Variants in ADAMTS6 observed in about 807,000 individuals in gnomAD.
The protein encoded by ADAMTS6 is ADAM metallopeptidase with thrombospondin type 1 motif 6.
In ADAMTS6, 23 loss-of-function variants were observed where a neutral mutation model predicts 144.3. The observed-to-expected ratio is 0.16, with a 90% CI of 0.11 to 0.23. ADAMTS6 has a LOEUF of 0.23. Ranked by LOEUF, ADAMTS6 falls within the 10% of genes least tolerant of loss-of-function variation. The probability of loss-of-function intolerance (pLI) is 1.00; values close to 1 mark genes in which losing one functional copy is unlikely to be tolerated. For synonymous variants in ADAMTS6, 444 were observed against 457.5 expected (o/e 0.97, Z 0.38); for missense variants, 999 against 1,379.6 (o/e 0.72, Z 4.37).
intron 22 of ADAMTS6, among the ~76,000 whole-genome samples, chr5:65,180,726 C>G (rs1009614413): frequency 6.6e-6 from 1 of 152,116 alleles, no homozygotes; most frequent in Non-Finnish European, 1.5e-5. Flanking sequence ...CCCTTAATGG[C>G]TTACTATTGC....
Position 65,242,116 on chromosome 5 carries a change from G to T in ADAMTS6, c.1921C>A (p.Pro641Thr), listed in dbSNP as rs1297229885. The T allele has an allele frequency of 1.9e-6, 3 of 1,593,674 alleles. No individual in the cohort carries two copies. Residue 641 changes from proline to threonine, a missense_variant, in exon 15 of 25, where the codon CCC becomes ACC. By Grantham distance (38) the Pro-to-Thr change is conservative. Transcript: ENST00000381055. The stretch of plus-strand genomic sequence containing the variant: ...GGTTATACATTACCTCCAGTATAGG[G>T]TTTCCAGTTATAATACTTTCCTCGG... Reference protein sequence around the residue: ...PFRGKYYNWKPYTGGGVKPCA... With the variant: ...PFRGKYYNWKTYTGGGVKPCA...
chr5:65,332,023 A>C (rs1287466565), intron 8 of ADAMTS6, among the ~76,000 whole-genome samples: 1 of 151,892 alleles, frequency 6.6e-6, no homozygotes, highest in Non-Finnish European at 1.5e-5. Context: ...CATTATTTTG[A>C]GAAAAATAAA....
intron 7 of ADAMTS6, among the ~76,000 whole-genome samples, chr5:65,395,317 A>G (rs1383026871): frequency 6.6e-6 from 1 of 152,144 alleles, no homozygotes; most frequent in Non-Finnish European, 1.5e-5. Flanking sequence ...TAGTCTCAGG[A>G]GCCTTGTAAT....
At chr5:65,408,333 A>T (rs573730167) in intron 7 of ADAMTS6, among the ~76,000 whole-genome samples, 2 of 152,118 alleles carry the variant, frequency 1.3e-5, no homozygotes, top group Non-Finnish European at 2.9e-5. Context: ...AACAAAAAAA[A>T]GCAGGGGTTG....
At chr5:65,351,090 G>A (rs1748807881) in intron 7 of ADAMTS6, among the ~76,000 whole-genome samples, 2 of 151,938 alleles carry the variant, frequency 1.3e-5, no homozygotes, top group African/African-American at 4.8e-5. Context: ...AATTACTTTA[G>A]TCTAACACTA....
chr5:65,328,871 A>G (rs1746433972), intron 9 of ADAMTS6, among the ~76,000 whole-genome samples: 1 of 151,894 alleles, frequency 6.6e-6, no homozygotes, highest in Non-Finnish European at 1.5e-5. Flanking sequence ...AGAAAGGAGG[A>G]TGGTATTGTG....
chr5:65,451,641 C>T, intron 6 of ADAMTS6, 21 bp from the exon 7 acceptor site: 1 of 1,609,280 alleles, frequency 6.2e-7, no homozygotes, highest in Admixed American at 1.7e-5. Context: ...ACATGCATAC[C>T]AGAAATGTTC....
chr5:65,322,071 A>T (rs1390313095), intron 9 of ADAMTS6, among the ~76,000 whole-genome samples: 2 of 152,108 alleles, frequency 1.3e-5, no homozygotes, highest in African/African-American at 4.8e-5. Context: ...GTCCAGTTTC[A>T]ATCTTCTACA....
chr5:65,223,276 A>G (rs1454985050), intron 18 of ADAMTS6, among the ~76,000 whole-genome samples: 1 of 152,234 alleles, frequency 6.6e-6, no homozygotes, highest in Non-Finnish European at 1.5e-5. Context: ...AACATTGTGA[A>G]ATGAATACCA....
chr5:65,353,491 G>A (rs543417225), intron 7 of ADAMTS6, among the ~76,000 whole-genome samples: 8 of 151,912 alleles, frequency 5.3e-5, no homozygotes, highest in Non-Finnish European at 1.0e-4. Flanking sequence ...GAAGATTCTT[G>A]TCCCTAATAT....
In ADAMTS6 at chr5:65,256,632, T is replaced by A. The variant is rs540084447; in HGVS notation, c.1830+3968A>T. On this transcript the variant is annotated intron_variant, in intron 14 of 24. Coordinates refer to ENST00000381055, the MANE Select transcript of ADAMTS6 (RefSeq NM_197941.4). ...TAGTAAGTTCTACAATCTGAACATC[T>A]AACATATAACTCATGAATAAAATGC... 9.2e-5 allele frequency: 14 copies of A among 152,298 alleles called. No homozygotes were observed. In the South Asian group the frequency reaches 2.9e-3, roughly 32 times the overall value. The allele number at this position is 152,298 out of a possible 1,614,324, so 9.4% of individuals were successfully genotyped here. A position where few individuals can be genotyped will look rare whatever the true frequency, so the allele number is the denominator to read the frequency against.
At chr5:65,428,302 G>A (rs564107726) in intron 7 of ADAMTS6, among the ~76,000 whole-genome samples, 1 of 150,880 alleles carries the variant, frequency 6.6e-6, no homozygotes, top group African/African-American at 2.4e-5. Context: ...TTGTGAAACA[G>A]GACAAATAAT....
intron 9 of ADAMTS6, among the ~76,000 whole-genome samples, chr5:65,300,399 T>C (rs1743240639): frequency 6.6e-6 from 1 of 152,238 alleles, no homozygotes; most frequent in Non-Finnish European, 1.5e-5. Context: ...TTGAGCCGAA[T>C]ATATTGTATA....
At chr5:65,232,696 TAA>T (rs879663991) in intron 15 of ADAMTS6, among the ~76,000 whole-genome samples, 5 of 131,078 alleles carry the variant, frequency 3.8e-5, no homozygotes, top group African/African-American at 1.1e-4. Flanking sequence ...GTTGAAACAG[TAA>T]AAAAAAAAAA....
At position 65,454,659 on chromosome 5, in the gene ADAMTS6, A is replaced by T. The variant is rs553569764; in HGVS notation, c.632-1741T>A. On this transcript the variant is annotated intron_variant, in intron 4 of 24. Transcript: ENST00000381055. ...GAGTATATTAGTACATGATTATGTT[A>T]CATAATATTGTAGCATTTGTCTAGA... is the stretch of plus-strand genomic sequence containing the variant. 5.3e-5 allele frequency among the ~76,000 whole-genome samples: 8 copies of T among 152,240 alleles called. No homozygotes were observed. The South Asian group carries it at 1.0e-3, about 20-fold the overall frequency.
intron 14 of ADAMTS6, among the ~76,000 whole-genome samples, chr5:65,249,952 GA>G (rs1005090737): frequency 1.3e-5 from 2 of 151,824 alleles, no homozygotes; most frequent in African/African-American, 2.4e-5. Flanking sequence ...TGTCTAAGGT[GA>G]CCCAATTCTT....
At chr5:65,358,630 T>A (rs1035304393) in intron 7 of ADAMTS6, among the ~76,000 whole-genome samples, 1 of 152,052 alleles carries the variant, frequency 6.6e-6, no homozygotes, top group Non-Finnish European at 1.5e-5. Context: ...CAAAATATAC[T>A]ATAAAGCTGT....
At chr5:65,361,854 C>T (rs1033794640) in intron 7 of ADAMTS6, among the ~76,000 whole-genome samples, 2 of 152,146 alleles carry the variant, frequency 1.3e-5, no homozygotes, top group African/African-American at 4.8e-5. Flanking sequence ...CCACTTCAGC[C>T]TCCATTAGTA....
chr5:65,401,639 C>T (rs2150164810), intron 7 of ADAMTS6, among the ~76,000 whole-genome samples: 1 of 152,332 alleles, frequency 6.6e-6, no homozygotes, highest in South Asian at 2.1e-4. Flanking sequence ...GTCAGGTTTT[C>T]CTATCCCAGC....
Sources: gnomAD v4.1 joint callset for allele counts (sites outside exome capture counted in the v4.1 genomes callset) on GRCh38, gnomAD v4.1.1 for gene constraint, MANE v1.5 for transcripts, NCBI Gene and HGNC (gene_info 2026-07-23, HGNC 2026-07-21) for gene names.